The following CANX variants were observed in gnomAD, a reference collection of about 807,000 sequenced individuals.
CANX encodes epididymis secretory sperm binding protein.
Under a neutral mutation model 75.7 loss-of-function variants are expected in CANX, and 14 were observed. The ratio of observed to expected loss-of-function variants is 0.19; its 90% CI spans 0.12 to 0.29. CANX has a LOEUF of 0.29. CANX is among the 10% of genes least tolerant of loss of function. CANX has a pLI of 1.00. For synonymous variants in CANX, 227 were observed against 236.9 expected, an observed-to-expected ratio of 0.96 and a Z score of 0.38; for missense variants, 567 against 713.2, an observed-to-expected ratio of 0.79 and a Z score of 2.34.
chr5:179,717,899 A>T (rs11747496), intron 8 of CANX, among the ~76,000 whole-genome samples: 35,264 of 151,520 alleles, frequency 0.23, 4,586 homozygotes, highest in Non-Finnish European at 0.3. Flanking sequence ...TATTTTTAGT[A>T]GACACGGGGT....
intron 1 of CANX, among the ~76,000 whole-genome samples, 165 bp from the exon 2 acceptor site, chr5:179,705,514 C>G (rs1187885635): frequency 6.6e-6 from 1 of 152,156 alleles, no homozygotes; most frequent in Non-Finnish European, 1.5e-5. Context: ...TAGGGAAACC[C>G]TTTAATCTCT....
chr5:179,711,969 G>A lies in CANX; in HGVS notation c.721+1904G>A, dbSNP rs530050858. ...AAAAATTAGCCGGGTGGGGTGGTGG[G>A]CGCCTATAATCTCAGATACTCAGGA... On this transcript the variant is annotated intron_variant, in intron 7 of 14. Transcript: ENST00000247461. Among the ~76,000 whole-genome samples the A allele has an allele frequency of 2.0e-5, 3 of 150,594 alleles. No homozygotes were observed. In the South Asian group the frequency reaches 6.3e-4, roughly 32 times the overall value.
chr5:179,705,236 G>A (rs906070896), intron 1 of CANX, among the ~76,000 whole-genome samples: 1 of 152,186 alleles, frequency 6.6e-6, no homozygotes, highest in Non-Finnish European at 1.5e-5. Context: ...ACCTGCCTCG[G>A]CCTCCCAAAG....
intron 7 of CANX, among the ~76,000 whole-genome samples, chr5:179,712,382 G>C (rs1048079887): frequency 1.8e-4 from 27 of 151,658 alleles, no homozygotes; most frequent in African/African-American, 6.3e-4. Context: ...GCTAGTTTGA[G>C]ATCATAAATA....
At chr5:179,716,491 C>T (rs1581880098) in intron 8 of CANX, among the ~76,000 whole-genome samples, 197 bp downstream of exon 8, 1 of 152,188 alleles carries the variant, frequency 6.6e-6, no homozygotes. Context: ...CACCATTTTA[C>T]AAGCCACAGA....
intron 1 of CANX, chr5:179,699,438 G>T (rs922094211): frequency 1.3e-5 from 2 of 151,540 alleles, no homozygotes; most frequent in Non-Finnish European, 2.9e-5. Flanking sequence ...CAGCCGCGAG[G>T]TGGGCTGGAG....
At chr5:179,699,671 G>A (rs1202122980) in intron 1 of CANX, 2 of 152,258 alleles carry the variant, frequency 1.3e-5, no homozygotes, top group African/African-American at 4.8e-5. Context: ...CACCTATTCT[G>A]GAGGCGAGTA....
chr5:179,680,754 C>T (rs1337876135), intron 1 of CANX: 1 of 704,336 alleles, frequency 1.4e-6, no homozygotes, highest in African/African-American at 1.8e-5. Flanking sequence ...AATTCCTCTT[C>T]TGCCCATGGG....
At chr5:179,682,787 T>G (rs1776102573) in intron 1 of CANX, among the ~76,000 whole-genome samples, 1 of 151,980 alleles carries the variant, frequency 6.6e-6, no homozygotes, top group Admixed American at 6.6e-5. Context: ...AAAGTGATTT[T>G]GGGACAGGGT....
At position 179,714,148 on chromosome 5, in the gene CANX, G is replaced by A. The variant is rs890234466; in HGVS notation, c.722-1957G>A. Among the ~76,000 whole-genome samples the A allele has an allele frequency of 2.6e-5, 4 of 151,970 alleles. No individual in the cohort carries two copies. In the East Asian group the frequency reaches 5.9e-4, roughly 22 times the overall value. On this transcript the variant is annotated intron_variant, in intron 7 of 14. Transcript: ENST00000247461. Reference sequence around the variant, plus strand: ...TGAATAGTTGGGACTATAGGCATGCGCCACCATGCCCGGCCAATTTTTTTG... The same window carrying A: ...TGAATAGTTGGGACTATAGGCATGCACCACCATGCCCGGCCAATTTTTTTG...
intron 1 of CANX, chr5:179,678,817 C>A: frequency 6.5e-7 from 1 of 1,537,062 alleles, no homozygotes; most frequent in Non-Finnish European, 8.7e-7. Context: ...TTTTGGACCG[C>A]TGCACCTGCG....
At chr5:179,725,027 C>T (rs1255400600) in intron 13 of CANX, among the ~76,000 whole-genome samples, 1 of 151,524 alleles carries the variant, frequency 6.6e-6, no homozygotes. Context: ...CTCTCTCTCT[C>T]TTTTTTATTT....
chr5:179,708,580 T>C (rs982564557), intron 5 of CANX, among the ~76,000 whole-genome samples, 200 bp downstream of exon 5: 4 of 152,238 alleles, frequency 2.6e-5, no homozygotes, highest in African/African-American at 9.6e-5. Context: ...CTTATTTTCC[T>C]GACTCTAAAT....
intron 1 of CANX, among the ~76,000 whole-genome samples, chr5:179,679,452 G>A (rs999350844): frequency 6.6e-6 from 1 of 152,202 alleles, no homozygotes; most frequent in African/African-American, 2.4e-5. Flanking sequence ...CTTCCCCAAA[G>A]ACCACTGAGG....
chr5:179,726,433 G>A (rs1334317481), intron 13 of CANX, among the ~76,000 whole-genome samples: 8 of 151,564 alleles, frequency 5.3e-5, no homozygotes, highest in African/African-American at 1.5e-4. Context: ...AAAGTTAGCC[G>A]GGCATGGTGG....
upstream of CANX, among the ~76,000 whole-genome samples, chr5:179,697,600 C>G (rs1236618724): frequency 4.6e-5 from 7 of 152,218 alleles, no homozygotes; most frequent in South Asian, 4.1e-4. Context: ...AACCAAAATT[C>G]TCCTACACAA....
chr5:179,723,564 G>A lies in CANX; in HGVS notation c.1399-96G>A, dbSNP rs146328682. 7.6e-4 allele frequency: 957 copies of A among 1,261,236 alleles called. 4 individuals carry two copies. In the African/African-American group the frequency reaches 0.012, roughly 16 times the overall value. 78.1% of individuals were successfully genotyped at this position (1,261,236 alleles called of 1,614,324 possible). A position where few individuals can be genotyped will look rare whatever the true frequency, so the allele number is the denominator to read the frequency against. On this transcript the variant is annotated intron_variant, in intron 11 of 14. Coordinates refer to ENST00000247461, the MANE Select transcript of CANX (RefSeq NM_001746.4). ...TTTTCTCTGAAAAAGAAGGTCCTGC[G>A]TAGTGCCATGCCATAACTGAACTGC...
intron 10 of CANX, among the ~76,000 whole-genome samples, chr5:179,722,304 C>T (rs1406266835): frequency 6.6e-6 from 1 of 152,200 alleles, no homozygotes; most frequent in East Asian, 1.9e-4. Context: ...TTTAGTTGTT[C>T]TCCTGTTGGT....
chr5:179,711,954 C>CG (rs1480768422), intron 7 of CANX, among the ~76,000 whole-genome samples: 5 of 150,368 alleles, frequency 3.3e-5, no homozygotes, highest in Admixed American at 2.7e-4. Context: ...AAAAATTAGC[C>CG]GGGTGGGGTG....
Sources: allele counts gnomAD v4.1 joint callset (sites outside exome capture counted in the v4.1 genomes callset), GRCh38; gene constraint gnomAD v4.1.1; transcripts MANE v1.5; gene names NCBI Gene and HGNC (gene_info 2026-07-23, HGNC 2026-07-21).